WIPI2: variants seen among roughly 807,000 people sequenced by gnomAD.
The protein encoded by WIPI2 is WD repeat domain phosphoinositide-interacting protein 2.
A neutral mutation model predicts 52.3 loss-of-function variants in WIPI2; 28 were observed. The ratio of observed to expected loss-of-function variants is 0.54; its 90% confidence interval spans 0.40 to 0.73. The LOEUF (loss-of-function observed/expected upper bound fraction) is 0.73, where lower values mean the gene tolerates loss of function less well. Among genes scored for constraint, WIPI2 ranks in the 30% least tolerant of loss-of-function variants. The pLI, the probability that WIPI2 is intolerant of heterozygous loss-of-function variation, is 0.00. For synonymous variants in WIPI2, 268 were observed against 245.0 expected, an observed-to-expected ratio of 1.09 and a Z score of -0.88; for missense variants, 506 against 602.9, an observed-to-expected ratio of 0.84 and a Z score of 1.68.
At chr7:5,201,907 G>A (rs1010222105) in intron 3 of WIPI2, among the ~76,000 whole-genome samples, 1 of 151,720 alleles carries the variant, frequency 6.6e-6, no homozygotes, top group African/African-American at 2.4e-5. Flanking sequence ...CTATTACATT[G>A]TTCTATTCCA....
chr7:5,197,945 C>T (rs1781830836), intron 2 of WIPI2, among the ~76,000 whole-genome samples: 1 of 152,188 alleles, frequency 6.6e-6, no homozygotes, highest in Non-Finnish European at 1.5e-5. Flanking sequence ...CTTTGGTCAA[C>T]TGGGTTCTGG....
intron 3 of WIPI2, among the ~76,000 whole-genome samples, chr7:5,200,533 C>T (rs937520221): frequency 2.0e-5 from 3 of 148,994 alleles, no homozygotes; most frequent in Non-Finnish European, 4.4e-5. Context: ...TTTGTGTGTG[C>T]GTAGGTTCTG....
At chr7:5,203,530 T>C (rs1782133653) in intron 3 of WIPI2, among the ~76,000 whole-genome samples, 1 of 152,128 alleles carries the variant, frequency 6.6e-6, no homozygotes, top group South Asian at 2.1e-4. Context: ...GAGGGAAGTT[T>C]GGCAGAAAGT....
chr7:5,192,096 A>G (rs542658466), intron 1 of WIPI2, among the ~76,000 whole-genome samples: 2 of 152,288 alleles, frequency 1.3e-5, no homozygotes, highest in African/African-American at 2.4e-5. Context: ...AAGACAGTGA[A>G]TTTAGAAATA....
chr7:5,224,540 GTCT>G (rs1562406110), intron 8 of WIPI2, among the ~76,000 whole-genome samples: 31 of 152,276 alleles, frequency 2.0e-4, no homozygotes, highest in African/African-American at 6.0e-4. Flanking sequence ...AAATCAGTCT[GTCT>G]GAGCATTCAG....
rs1361555362 is a variant in WIPI2, at chr7:5,230,219, C to T, written c.1252+481C>T. Among the ~76,000 whole-genome samples the T allele has an allele frequency of 6.6e-6, 1 of 152,180 alleles. No homozygotes were observed. Among genetic ancestry groups the T allele is most frequent in the African/African-American group, 2.4e-5 (1 of 41,442 alleles). On this transcript the variant is annotated intron_variant, in intron 12 of 12. Coordinates refer to ENST00000288828, the MANE Select transcript of WIPI2 (RefSeq NM_015610.4). This position sits in a 1 kb window ranked among gnomAD's most constrained non-coding sequence, Gnocchi z 4.8. Reference sequence around the variant, plus strand: ...TTTGCCTCAGTCTTTTCCCTCCCACCTTTTTCGTCCTTCAGCAAATCTGCA... The same window carrying T: ...TTTGCCTCAGTCTTTTCCCTCCCACTTTTTTCGTCCTTCAGCAAATCTGCA...
chr7:5,199,712 T>C (rs1413207465), intron 3 of WIPI2, 54 bp downstream of exon 3: 3 of 1,430,288 alleles, frequency 2.1e-6, no homozygotes, highest in Non-Finnish European at 2.9e-6. Flanking sequence ...AAAGTTGTAC[T>C]TGAATTGGAA....
rs139090506 is a variant in WIPI2 at position 5,216,631 on chromosome 7, G to A, written c.450G>A (p.Thr150=). 417 of 1,614,062 alleles carry A rather than the reference G, an allele frequency of 2.6e-4. No homozygotes were observed. Among genetic ancestry groups the A allele is most frequent in the Non-Finnish European group, 3.3e-4 (395 of 1,180,044 alleles). ...TTCGGGACATGAAGGTGCTGCATACGATCAGGGAGACGCCTCCAAACCCTG... is the reference window on the plus strand; with the variant it reads ...TTCGGGACATGAAGGTGCTGCATACAATCAGGGAGACGCCTCCAAACCCTG... ...HNIRDMKVLH[T]IRETPPNPAG... The change falls in exon 5 of 13, where the codon ACG becomes ACA. Residue 150 remains threonine (T), a synonymous_variant. Transcript: ENST00000288828.
rs746856238 is a variant in WIPI2, at chr7:5,199,637, C to G, written c.190C>G (p.Leu64Val). Residue 64 changes from leucine (L) to valine (V), a missense_variant, in exon 3 of 13, where the codon CTG becomes GTG. By Grantham distance (32) the Leu-to-Val change is conservative (BLOSUM62 1). Transcript: ENST00000288828. ...TTTCTCCCTTTCTTCTGTGGATAAG[C>G]TGGAACAGATCTATGAATGCAGTAA... ...KFFSLSSVDK[L>V]EQIYECTDTE... 1.2e-6 allele frequency: 2 copies of G among 1,612,140 alleles called. No individual in the cohort carries two copies. Among genetic ancestry groups the G allele is most frequent in the East Asian group, 2.2e-5 (1 of 44,850 alleles).
Position 5,232,115 on chromosome 7 carries a change from T to A in WIPI2, c.*1168T>A, listed in dbSNP as rs1262639489. The A allele has an allele frequency of 2.5e-6, 1 of 398,806 alleles. No homozygotes were observed. The highest frequency in any genetic ancestry group is 4.4e-6 in the Non-Finnish European group (1 of 226,088). 24.7% of individuals were successfully genotyped at this position (398,806 alleles called of 1,614,324 possible). A position where few individuals can be genotyped will look rare whatever the true frequency, so the allele number is the denominator to read the frequency against. On this transcript the variant is annotated 3_prime_UTR_variant, in exon 13 of 13. Coordinates refer to ENST00000288828, the MANE Select transcript of WIPI2 (RefSeq NM_015610.4). ...AAACCAAGGCACCCAGCAGCCAAAG[T>A]GTCGAGGGCATTTAAGTGGCATTAA...
chr7:5,193,941 A>C lies in WIPI2; in HGVS notation c.128+770A>C, dbSNP rs186028844. ...AGTAATTCTGCCTGCTATGCAAAGGATATGTTTGAGGAGGGCAGGGGGTGA... is the reference window on the plus strand; with the variant it reads ...AGTAATTCTGCCTGCTATGCAAAGGCTATGTTTGAGGAGGGCAGGGGGTGA... On this transcript the variant is annotated intron_variant, in intron 2 of 12. Coordinates refer to ENST00000288828, the MANE Select transcript of WIPI2 (RefSeq NM_015610.4). Among the ~76,000 whole-genome samples the C allele has an allele frequency of 6.6e-3, 1,009 of 152,202 alleles. 7 individuals carry two copies. Among genetic ancestry groups the C allele is most frequent in the Non-Finnish European group, 9.4e-3 (637 of 68,008 alleles).
intron 2 of WIPI2, 122 bp from the exon 3 acceptor site, chr7:5,199,454 G>T: frequency 1.3e-6 from 1 of 754,894 alleles, no homozygotes. Context: ...TTTGCTCTGT[G>T]CTGATTTGTG....
rs1484027328 is a variant in WIPI2 at position 5,233,224 on chromosome 7, T to G, written c.*2277T>G. ...ATTGTGGAGGGTTACCCGCCTCCAC[T>G]TTCCCGTTGCCCATTTCACTGCCAC... On this transcript the variant is annotated 3_prime_UTR_variant, in exon 13 of 13. Transcript: ENST00000288828. 1 of 152,290 alleles carries G rather than the reference T, an allele frequency of 6.6e-6. No individual in the cohort carries two copies. Among genetic ancestry groups the G allele is most frequent in the Non-Finnish European group, 1.5e-5 (1 of 68,110 alleles). The allele number at this position is 152,290 out of a possible 1,614,324, so 9.4% of individuals were successfully genotyped here.
intron 12 of WIPI2, among the ~76,000 whole-genome samples, 190 bp downstream of exon 12, chr7:5,229,928 C>G (rs1783644122): frequency 7.3e-6 from 1 of 136,292 alleles, no homozygotes; most frequent in Non-Finnish European, 1.6e-5. Context: ...AGTTTCGTTT[C>G]CTTTTTTTTT....
Position 5,231,019 on chromosome 7 carries a change from A to G in WIPI2, c.*72A>G, listed in dbSNP as rs1562413028. 1.6e-5 allele frequency: 22 copies of G among 1,356,218 alleles called. No homozygotes were observed. Among genetic ancestry groups the G allele is most frequent in the Admixed American group, 6.9e-5 (3 of 43,254 alleles). The allele number at this position is 1,356,218 out of a possible 1,614,324, so 84.0% of individuals were successfully genotyped here. A position where few individuals can be genotyped will look rare whatever the true frequency, so the allele number is the denominator to read the frequency against. On this transcript the variant is annotated 3_prime_UTR_variant, in exon 13 of 13. Transcript: ENST00000288828. ...ACAGAGGACTTTGTGCATTGCTGCTATGAACTTTGACCTGAGTCGGGGGAG... is the reference window on the plus strand; with the variant it reads ...ACAGAGGACTTTGTGCATTGCTGCTGTGAACTTTGACCTGAGTCGGGGGAG...
chr7:5,215,851 T>TC (rs1446041839), intron 4 of WIPI2, among the ~76,000 whole-genome samples: 2 of 152,230 alleles, frequency 1.3e-5, no homozygotes, highest in Non-Finnish European at 2.9e-5. Flanking sequence ...TTCATTTTCT[T>TC]CCAAATGGAG....
intron 7 of WIPI2, among the ~76,000 whole-genome samples, chr7:5,220,096 A>G (rs1407980859): frequency 1.3e-5 from 2 of 152,092 alleles, no homozygotes; most frequent in African/African-American, 4.8e-5. Flanking sequence ...TCAGCCTCCC[A>G]AAGTGCTAGA....
intron 8 of WIPI2, among the ~76,000 whole-genome samples, chr7:5,225,029 G>C (rs962001476): frequency 1.3e-5 from 2 of 152,066 alleles, no homozygotes; most frequent in African/African-American, 4.8e-5. Flanking sequence ...AAAGTATCTT[G>C]TATTTCTAGG....
Position 5,217,871 on chromosome 7 carries a change from C to A in WIPI2, c.577-51C>A, listed in dbSNP as rs753345203. ...TGCGGACCAAGTGTCAGCCCTGGGG[C>A]GTGGGCGGTCACTGTGCGGTGGCCA... On this transcript the variant is annotated intron_variant, in intron 6 of 12. Coordinates refer to ENST00000288828, the MANE Select transcript of WIPI2 (RefSeq NM_015610.4). 39 of 1,585,504 alleles carry A rather than the reference C, an allele frequency of 2.5e-5. No homozygotes were observed. In the East Asian group the frequency reaches 7.4e-4, roughly 30 times the overall value.
Sources: allele counts gnomAD v4.1 joint callset (sites outside exome capture counted in the v4.1 genomes callset), GRCh38; gene constraint gnomAD v4.1.1; non-coding constraint Gnocchi (gnomAD v3.1); transcripts MANE v1.5; gene names NCBI Gene and HGNC (gene_info 2026-07-23, HGNC 2026-07-21).